Variants in RPL26 observed in about 807,000 individuals in gnomAD.
RPL26 encodes ribosomal protein L26, also known as large ribosomal subunit protein uL24.
A neutral mutation model predicts 16.2 loss-of-function variants in RPL26; 1 was observed. That is an observed-to-expected ratio of 0.06 (90% confidence interval 0.02 to 0.29). RPL26 has a LOEUF of 0.29. Ranked by LOEUF, RPL26 falls within the 10% of genes least tolerant of loss-of-function variation. The pLI is 1.00. For synonymous variants in RPL26, 55 were observed against 62.4 expected, an observed-to-expected ratio of 0.88 and a Z score of 0.56; for missense variants, 102 against 184.3, an observed-to-expected ratio of 0.55 and a Z score of 2.58.
At chr17:8,378,158 C>G (rs1211436250) in intron 3 of RPL26, among the ~76,000 whole-genome samples, 1 of 152,142 alleles carries the variant, frequency 6.6e-6, no homozygotes, top group Non-Finnish European at 1.5e-5. Flanking sequence ...CGGTGAAACC[C>G]CTTCTCTACT....
Position 8,382,305 on chromosome 17 carries a change from C to T in RPL26, c.6G>A (p.Lys2=). 2 of 1,608,762 alleles carry T rather than the reference C, an allele frequency of 1.2e-6. No individual in the cohort carries two copies. The highest frequency in any genetic ancestry group is 1.7e-6 in the Non-Finnish European group (2 of 1,176,610). M[K]FNPFVTSDRS... ...GGTCGGAAGTCACAAAGGGATTAAACTTCATTTTGGCTAAATAAAAAGTTA... is the reference window on the plus strand; with the variant it reads ...GGTCGGAAGTCACAAAGGGATTAAATTTCATTTTGGCTAAATAAAAAGTTA... Residue 2 remains lysine (K), a synonymous_variant, in exon 2 of 4, where the codon AAG becomes AAA. Coordinates refer to ENST00000648839, the MANE Select transcript of RPL26 (RefSeq NM_000987.5).
In RPL26 at chr17:8,377,620, C is replaced by T; in HGVS notation, c.382G>A (p.Val128Ile). The change falls in exon 4 of 4, where the codon GTA becomes ATA. Residue 128 changes from valine to isoleucine, a missense_variant. Physicochemically the swap from Val to Ile is conservative, Grantham distance 29 (BLOSUM62 3). Coordinates refer to ENST00000648839, the MANE Select transcript of RPL26 (RefSeq NM_000987.5). The stretch of plus-strand genomic sequence containing the variant: ...TTGTATTTGCCCTTTTCCTTTCCTA[C>T]TTGGCGAGATTTGGCTTTCCGTTCG... ...ILERKAKSRQ[V>I]GKEKGKYKEE... is the part of the protein sequence containing the mutation. 2.5e-6 allele frequency: 4 copies of T among 1,608,668 alleles called. No individual in the cohort carries two copies. The highest frequency in any genetic ancestry group is 1.1e-5 in the South Asian group (1 of 91,048).
rs1252796121 is a variant in RPL26 at position 8,382,279 on chromosome 17, C to A, written c.32G>T (p.Arg11Leu). MKFNPFVTSD[R>L]SKNRKRHFNA... ...GAAATGCCTTTTGCGATTCTTGCTT[C>A]GGTCGGAAGTCACAAAGGGATTAAA... Residue 11 changes from arginine (R) to leucine (L), a missense_variant, in exon 2 of 4, where the codon CGA becomes CTA. Coordinates refer to ENST00000648839, the MANE Select transcript of RPL26 (RefSeq NM_000987.5). 2.5e-6 allele frequency: 4 copies of A among 1,613,488 alleles called. No individual in the cohort carries two copies. The African/African-American group carries it at 4.0e-5, about 16-fold the overall frequency.
chr17:8,381,793 G>A, intron 2 of RPL26: 1 of 219,770 alleles, frequency 4.6e-6, no homozygotes, highest in Non-Finnish European at 9.1e-6. Flanking sequence ...CCGAGCCGTG[G>A]TGGCGGGCGC....
rs1471992759 is a variant in RPL26, at chr17:8,377,804, TAAG to T, written c.310-115_310-113del. ...AAACCTGGGGTAGGTGGATGCCTAA[TAAG>T]AAAAGATTTTAACTTTTAAAAAACT... is the stretch of plus-strand genomic sequence containing the variant. On this transcript the variant is annotated intron_variant, in intron 3 of 3. Transcript: ENST00000648839. 3.7e-5 allele frequency: 34 copies of T among 915,020 alleles called. 1 individual carries two copies. The highest frequency in any genetic ancestry group is 9.3e-6 in the Non-Finnish European group (6 of 641,736). 56.7% of individuals were successfully genotyped at this position (915,020 alleles called of 1,614,324 possible).
At chr17:8,379,610 T>A (rs1006195436) in intron 3 of RPL26, 186 bp downstream of exon 3, 2 of 603,684 alleles carry the variant, frequency 3.3e-6, no homozygotes, top group Admixed American at 6.6e-5. Context: ...CGTTAACACT[T>A]TGATGTCAGA....
In RPL26 at chr17:8,381,802, G is replaced by A. The variant is rs148741959; in HGVS notation, c.168+341C>T. 1,682 of 219,832 alleles carry A rather than the reference G, an allele frequency of 7.7e-3. 28 individuals carry two copies. The highest frequency in any genetic ancestry group is 0.037 in the African/African-American group (1,565 of 41,844). 13.6% of individuals were successfully genotyped at this position (219,832 alleles called of 1,614,324 possible). ...AATTAGCCGAGCCGTGGTGGCGGGC[G>A]CTTGTAATCCCAGCTACTCGGGAGG... is the stretch of plus-strand genomic sequence containing the variant. On this transcript the variant is annotated intron_variant, in intron 2 of 3. Transcript: ENST00000648839.
chr17:8,378,516 A>C (rs1907261869), intron 3 of RPL26, among the ~76,000 whole-genome samples: 2 of 145,088 alleles, frequency 1.4e-5, no homozygotes, highest in South Asian at 2.2e-4. Context: ...CCCACCCCCA[A>C]ACAGAAAAAT....
At chr17:8,377,976 T>C (rs1201234247) in intron 3 of RPL26, among the ~76,000 whole-genome samples, 4 of 152,232 alleles carry the variant, frequency 2.6e-5, no homozygotes, top group Admixed American at 6.5e-5. Flanking sequence ...CTGAGAAATA[T>C]ATGATTCTGC....
intron 2 of RPL26, 85 bp downstream of exon 2, chr17:8,382,058 C>A: frequency 8.3e-7 from 1 of 1,206,606 alleles, no homozygotes; most frequent in Non-Finnish European, 1.2e-6. Flanking sequence ...GTCTCAGAAG[C>A]ATCTTTCTCA....
At chr17:8,380,645 G>T (rs1269238275) in intron 2 of RPL26, 1 of 152,142 alleles carries the variant, frequency 6.6e-6, no homozygotes, top group East Asian at 1.9e-4. Flanking sequence ...ATCTAGATTG[G>T]GAGCAATTCT....
intron 2 of RPL26, 73 bp from the exon 3 acceptor site, chr17:8,380,009 G>T: frequency 8.1e-7 from 1 of 1,238,152 alleles, no homozygotes; most frequent in Non-Finnish European, 1.2e-6. Flanking sequence ...ACAAACTCAT[G>T]CATACACCAT....
rs79285623 is a variant in RPL26, at chr17:8,377,741, A to C, written c.310-49T>G. 4,791 of 1,549,132 alleles carry C rather than the reference A, an allele frequency of 3.1e-3. 157 individuals carry two copies. The Admixed American group carries it at 0.047, about 15-fold the overall frequency. On this transcript the variant is annotated intron_variant, in intron 3 of 3. Transcript: ENST00000648839. ...ACTCCCAAGCTTTAAATAATCACTA[A>C]AACACAAGGGAAAGCCCAACATTCA... is the stretch of plus-strand genomic sequence containing the variant.
chr17:8,382,355 C>G, intron 1 of RPL26, 40 bp from the exon 2 acceptor site: 1 of 1,406,172 alleles, frequency 7.1e-7, no homozygotes, highest in Non-Finnish European at 1.0e-6. Context: ...TGACCAAAAT[C>G]TCATCCAGCT....
rs201780869 is a variant in RPL26, at chr17:8,379,194, C to CT, written c.309+601dup. ...ATCAGTTAAGGTCTTTATTTTTTTT[C>CT]TTTTTTTTTTTTTGAGATGGCGTTT... On this transcript the variant is annotated intron_variant, in intron 3 of 3. Coordinates refer to ENST00000648839, the MANE Select transcript of RPL26 (RefSeq NM_000987.5). 0.012 allele frequency: 1,715 copies of CT among 142,788 alleles called. 64 individuals are homozygous for CT. In the East Asian group the frequency reaches 0.14, roughly 12 times the overall value. The allele number at this position is 142,788 out of a possible 1,614,324, so 8.8% of individuals were successfully genotyped here. A position where few individuals can be genotyped will look rare whatever the true frequency, so the allele number is the denominator to read the frequency against.
intron 2 of RPL26, 138 bp from the exon 3 acceptor site, chr17:8,380,074 T>G (rs886184380): frequency 1.5e-6 from 1 of 650,196 alleles, no homozygotes; most frequent in Non-Finnish European, 2.6e-6. Flanking sequence ...CGGCAACCTG[T>G]AAGAAGTTGA....
At position 8,382,279 on chromosome 17, in the gene RPL26, C is replaced by T; in HGVS notation, c.32G>A (p.Arg11Gln). Residue 11 changes from arginine (R) to glutamine (Q), a missense_variant, in exon 2 of 4, where the codon CGA becomes CAA. Coordinates refer to ENST00000648839, the MANE Select transcript of RPL26 (RefSeq NM_000987.5). MKFNPFVTSD[R>Q]SKNRKRHFNA... ...GAAATGCCTTTTGCGATTCTTGCTT[C>T]GGTCGGAAGTCACAAAGGGATTAAA... is the stretch of plus-strand genomic sequence containing the variant. 1 of 1,613,606 alleles carries T rather than the reference C, an allele frequency of 6.2e-7. No homozygotes were observed. The highest frequency in any genetic ancestry group is 1.7e-5 in the Admixed American group (1 of 59,988).
chr17:8,382,955 T>A, intron 1 of RPL26: 1 of 398,176 alleles, frequency 2.5e-6, no homozygotes, highest in Non-Finnish European at 4.4e-6. Context: ...CGTTTTCGAG[T>A]TCCCAAATCC....
chr17:8,380,737 A>G (rs1324798353), intron 2 of RPL26: 2 of 152,252 alleles, frequency 1.3e-5, no homozygotes, highest in Admixed American at 6.5e-5. Context: ...AGAAAATTAC[A>G]GCAGTTAAAG....
Sources: allele counts gnomAD v4.1 joint callset (sites outside exome capture counted in the v4.1 genomes callset), GRCh38; gene constraint gnomAD v4.1.1; transcripts MANE v1.5; gene names NCBI Gene and HGNC (gene_info 2026-07-23, HGNC 2026-07-21).